Variants in TNRC18 observed in about 807,000 individuals in gnomAD.
The protein encoded by TNRC18 is trinucleotide repeat-containing gene 18 protein.
TNRC18 carries 69 observed loss-of-function variants against 226.7 expected under a neutral mutation model. That is an observed-to-expected ratio of 0.30 (90% CI 0.25 to 0.37). TNRC18 has a LOEUF of 0.37. Among genes scored for constraint, TNRC18 ranks in the 10% least tolerant of loss-of-function variants. The pLI is 1.00. For synonymous variants in TNRC18, 2,449 were observed against 1,927.6 expected, an observed-to-expected ratio of 1.27 and a Z score of -7.09; for missense variants, 4,754 against 4,256.6, an observed-to-expected ratio of 1.12 and a Z score of -3.25.
In TNRC18 at chr7:5,421,252, G is replaced by A; in HGVS notation, c.-6C>T. 1 of 1,292,656 alleles carries A rather than the reference G, an allele frequency of 7.7e-7. No individual in the cohort carries two copies. The highest frequency in any genetic ancestry group is 9.8e-7 in the Non-Finnish European group (1 of 1,017,288). 80.1% of individuals were successfully genotyped at this position (1,292,656 alleles called of 1,614,324 possible). ...CCGAAGTCTCGGCCATCCATCCTCC[G>A]CGGGAGTGCCGCGATCAGCCCCCCA... On this transcript the variant is annotated 5_prime_UTR_variant, in exon 2 of 30. Coordinates refer to ENST00000430969, the MANE Select transcript of TNRC18 (RefSeq NM_001080495.3).
At position 5,357,110 on chromosome 7, in the gene TNRC18, G is replaced by A; in HGVS notation, c.5000C>T (p.Thr1667Ile). 6.4e-7 allele frequency: 1 copy of A among 1,552,978 alleles called. No individual in the cohort carries two copies. The change falls in exon 16 of 30, where the codon ACT becomes ATT. Residue 1667 changes from threonine (T) to isoleucine (I), a missense_variant. Thr to Ile is a moderately conservative substitution (Grantham distance 89, BLOSUM62 -1). Transcript: ENST00000430969. ...KTSGGCGRYL[T>I]PYDSLLGKNR... ...CTTCCCCAGCAGGCTGTCGTAAGGA[G>A]TCAAGTACCTGCCGCAGCCCCCGCT...
In TNRC18 at chr7:5,388,149, G is replaced by A; in HGVS notation, c.1675C>T (p.Pro559Ser). The change falls in exon 5 of 30, where the codon CCC becomes TCC. Residue 559 changes from proline (P) to serine (S), a missense_variant. Pro to Ser is a moderately conservative substitution (Grantham distance 74, BLOSUM62 -1). Coordinates refer to ENST00000430969, the MANE Select transcript of TNRC18 (RefSeq NM_001080495.3). ...CGGCCGCAGGTGGCCGCCGAGCGGGGCAGCACAGCCCCAGGGTCCAGGTAG... is the reference window on the plus strand; with the variant it reads ...CGGCCGCAGGTGGCCGCCGAGCGGGACAGCACAGCCCCAGGGTCCAGGTAG... Reference protein sequence around the residue: ...KAYLDPGAVLPRSAATCGRPV... With the variant: ...KAYLDPGAVLSRSAATCGRPV... 5 of 1,566,148 alleles carry A rather than the reference G, an allele frequency of 3.2e-6. No individual in the cohort carries two copies. Among genetic ancestry groups the A allele is most frequent in the Non-Finnish European group, 4.3e-6 (5 of 1,157,396 alleles).
intron 2 of TNRC18, among the ~76,000 whole-genome samples, chr7:5,407,628 G>A (rs772982350): frequency 2.0e-5 from 3 of 152,196 alleles, no homozygotes; most frequent in Non-Finnish European, 4.4e-5. Flanking sequence ...CAGGTACCCA[G>A]CCCACAAAAT....
At chr7:5,396,216 C>T (rs1780678577) in intron 2 of TNRC18, among the ~76,000 whole-genome samples, 1 of 148,196 alleles carries the variant, frequency 6.7e-6, no homozygotes, top group Non-Finnish European at 1.5e-5. Flanking sequence ...GGCGTGGTGG[C>T]AGGCACCTGT....
At chr7:5,417,848 GATT>G (rs1457806741) in intron 2 of TNRC18, among the ~76,000 whole-genome samples, 1 of 152,296 alleles carries the variant, frequency 6.6e-6, no homozygotes, top group South Asian at 2.1e-4. Context: ...GGTCTTCACT[GATT>G]AATCTTTCTA....
Position 5,377,055 on chromosome 7 carries a change from C to T in TNRC18, c.2462-62G>A. On this transcript the variant is annotated intron_variant, in intron 7 of 29. Transcript: ENST00000430969. The surrounding 1 kb of genome is among the most constrained non-coding windows in gnomAD (Gnocchi z 5.8). ...AGCCCCCAAGCGGTTTGTCCTCGGG[C>T]AGCCCCAGCCCAGCACCACCTCCCA... 1 of 1,529,400 alleles carries T rather than the reference C, an allele frequency of 6.5e-7. No individual in the cohort carries two copies. The highest frequency in any genetic ancestry group is 8.8e-7 in the Non-Finnish European group (1 of 1,140,990). The allele number at this position is 1,529,400 out of a possible 1,614,324, so 94.7% of individuals were successfully genotyped here. A position where few individuals can be genotyped will look rare whatever the true frequency, so the allele number is the denominator to read the frequency against.
At position 5,388,814 on chromosome 7, in the gene TNRC18, G is replaced by A. The variant is rs557962394; in HGVS notation, c.1010C>T (p.Pro337Leu). Residue 337 changes from proline (P) to leucine (L), a missense_variant, in exon 5 of 30, where the codon CCG (proline) becomes CTG (leucine). Coordinates refer to ENST00000430969, the MANE Select transcript of TNRC18 (RefSeq NM_001080495.3). ...GPRPCPSPLP[P>L]PPAPPKGPPA... is the part of the protein sequence containing the mutation. Reference sequence around the variant, plus strand: ...AGGCCCCTTGGGGGGCGCGGGCGGCGGGGGCAGCGGTGAGGGGCAGGGGCG... The same window carrying A: ...AGGCCCCTTGGGGGGCGCGGGCGGCAGGGGCAGCGGTGAGGGGCAGGGGCG... The A allele has an allele frequency of 3.3e-3, 3,911 of 1,184,644 alleles. 15 individuals are homozygous for A. Among genetic ancestry groups the A allele is most frequent in the Middle Eastern group, 6.0e-3 (17 of 2,844 alleles). 73.4% of individuals were successfully genotyped at this position (1,184,644 alleles called of 1,614,324 possible).
At chr7:5,321,486 C>A (rs771636418) in intron 21 of TNRC18, among the ~76,000 whole-genome samples, 36 of 152,062 alleles carry the variant, frequency 2.4e-4, no homozygotes, top group Non-Finnish European at 4.0e-4. Context: ...GAGATGAAAG[C>A]CTGCACCTGC....
intron 12 of TNRC18, 124 bp downstream of exon 12, chr7:5,362,526 A>G: frequency 1.1e-6 from 1 of 909,904 alleles, no homozygotes; most frequent in Admixed American, 3.1e-5. Flanking sequence ...CAAGGAGCTG[A>G]ACGTAGCTCA....
chr7:5,402,885 G>C (rs550082469), intron 2 of TNRC18, among the ~76,000 whole-genome samples: 90 of 151,998 alleles, frequency 5.9e-4, no homozygotes, highest in African/African-American at 2.1e-3. Context: ...GTGTGGAATG[G>C]GGGGGCAAGG....
intron 18 of TNRC18, among the ~76,000 whole-genome samples, chr7:5,342,815 T>C (rs1047917482): frequency 1.3e-5 from 2 of 152,202 alleles, no homozygotes; most frequent in Non-Finnish European, 2.9e-5. Flanking sequence ...CAGTATTGCA[T>C]GTTACAGAGA....
chr7:5,389,379 C>G (rs963185732), intron 4 of TNRC18, 43 bp from the exon 5 acceptor site: 2 of 1,233,580 alleles, frequency 1.6e-6, no homozygotes, highest in Non-Finnish European at 2.0e-6. Flanking sequence ...GCGCCACCTC[C>G]CCTCCCACCC....
chr7:5,376,210 GC>G lies in TNRC18; in HGVS notation c.2622del (p.Glu874AspfsTer64). The G allele has an allele frequency of 6.7e-7, 1 of 1,501,262 alleles. No individual in the cohort carries two copies. Among genetic ancestry groups the G allele is most frequent in the Non-Finnish European group, 8.9e-7 (1 of 1,128,584 alleles). 93.0% of individuals were successfully genotyped at this position (1,501,262 alleles called of 1,614,324 possible). The stretch of plus-strand genomic sequence containing the variant: ...GGCCAGAGGGGCGGTACGGTGGCCC[GC>G]TCCATCAGCTCCGCTGCAGGGACAG... The part of the protein sequence containing the change: ...DHLPHFAELM[E>X]RATVPPLWPA... On this transcript the variant is annotated frameshift_variant, in exon 9 of 30. Coordinates refer to ENST00000430969, the MANE Select transcript of TNRC18 (RefSeq NM_001080495.3). LOFTEE classifies it high-confidence loss of function.
At chr7:5,360,573 G>C (rs1210894325) in intron 14 of TNRC18, among the ~76,000 whole-genome samples, 8 of 152,134 alleles carry the variant, frequency 5.3e-5, no homozygotes, top group African/African-American at 1.9e-4. Flanking sequence ...GCTCGGAAAA[G>C]CTAACACCTG....
chr7:5,308,471 A>C (rs188523254), intron 29 of TNRC18, among the ~76,000 whole-genome samples, 159 bp from the exon 30 acceptor site: 1 of 152,140 alleles, frequency 6.6e-6, no homozygotes, highest in African/African-American at 2.4e-5. Flanking sequence ...AGACCAACAA[A>C]AGAGAGACAG....
chr7:5,405,847 T>C (rs1204477362), intron 2 of TNRC18, among the ~76,000 whole-genome samples: 1 of 152,226 alleles, frequency 6.6e-6, no homozygotes, highest in African/African-American at 2.4e-5. Flanking sequence ...GAGGATCACT[T>C]GAGCTCAGGA....
At chr7:5,372,383 G>A (rs1001772955) in intron 10 of TNRC18, among the ~76,000 whole-genome samples, 24 of 148,344 alleles carry the variant, frequency 1.6e-4, no homozygotes, top group African/African-American at 5.0e-4. Flanking sequence ...GGCCGTGCCC[G>A]GCTAATTTTT....
chr7:5,332,595 G>T, intron 19 of TNRC18, 27 bp downstream of exon 19: 2 of 1,508,454 alleles, frequency 1.3e-6, no homozygotes, highest in Non-Finnish European at 8.8e-7. Flanking sequence ...ACCCTTCTGC[G>T]GCACCCCCTC....
At chr7:5,341,120 T>C (rs1312244898) in intron 18 of TNRC18, among the ~76,000 whole-genome samples, 1 of 151,620 alleles carries the variant, frequency 6.6e-6, no homozygotes, top group Non-Finnish European at 1.5e-5. Flanking sequence ...GGTCTACCAG[T>C]GGAACAACAG....
Sources: gnomAD v4.1 joint callset for allele counts (sites outside exome capture counted in the v4.1 genomes callset) on GRCh38, gnomAD v4.1.1 for gene constraint, Gnocchi (gnomAD v3.1) non-coding constraint, MANE v1.5 for transcripts, NCBI Gene and HGNC (gene_info 2026-07-23, HGNC 2026-07-21) for gene names.